The following RORA variants were observed in gnomAD, a reference collection of about 807,000 sequenced individuals.
RORA encodes the protein RAR related orphan receptor A.
RORA carries 7 observed loss-of-function variants against 69.5 expected under a neutral mutation model. That is an observed-to-expected ratio of 0.10 (90% CI 0.06 to 0.19). RORA has a LOEUF of 0.19. Among genes scored for constraint, RORA ranks in the 10% least tolerant of loss-of-function variants. RORA has a pLI of 1.00. For missense variants in RORA, 457 were observed against 663.0 expected (o/e 0.69, Z 3.41); for synonymous variants, 261 against 240.8 (o/e 1.08, Z -0.78).
intron 1 of RORA, among the ~76,000 whole-genome samples, chr15:61,088,155 A>G (rs952532643): frequency 6.6e-6 from 1 of 152,222 alleles, no homozygotes. Flanking sequence ...GTGACAGGTC[A>G]TCTATGAAAT....
chr15:60,579,609 C>T (rs2068132553), intron 2 of RORA, among the ~76,000 whole-genome samples: 2 of 152,132 alleles, frequency 1.3e-5, no homozygotes, highest in Non-Finnish European at 1.5e-5. Context: ...ATTGAACTAC[C>T]ATGAGTTATA....
At chr15:60,603,638 T>C (rs541386543) in intron 2 of RORA, among the ~76,000 whole-genome samples, 95 of 152,324 alleles carry the variant, frequency 6.2e-4, no homozygotes, top group Non-Finnish European at 1.2e-3. Context: ...TTTAAAGACA[T>C]CTTATTTAGT....
At chr15:60,748,324 A>AC (rs1446945879) in intron 1 of RORA, among the ~76,000 whole-genome samples, 23 of 85,786 alleles carry the variant, frequency 2.7e-4, no homozygotes, top group African/African-American at 5.6e-4. Flanking sequence ...AAAAAAAAAA[A>AC]ACACACACAC....
chr15:61,165,606 G>A (rs191306974), intron 1 of RORA, among the ~76,000 whole-genome samples: 49 of 152,266 alleles, frequency 3.2e-4, no homozygotes, highest in African/African-American at 1.1e-3. Context: ...GGAGAGCTGG[G>A]GTCCCACCAA....
chr15:60,542,192 A>T (rs1038527732), intron 2 of RORA, among the ~76,000 whole-genome samples: 2 of 152,180 alleles, frequency 1.3e-5, no homozygotes, highest in Non-Finnish European at 2.9e-5. Flanking sequence ...CACATTTCAC[A>T]TCGGATGGAA....
chr15:61,227,979 C>A (rs950378517), intron 1 of RORA, among the ~76,000 whole-genome samples: 1 of 152,172 alleles, frequency 6.6e-6, no homozygotes, highest in Non-Finnish European at 1.5e-5. Flanking sequence ...GAGCTTTCCT[C>A]AACAGCTCAC....
intron 1 of RORA, among the ~76,000 whole-genome samples, chr15:61,138,559 T>C (rs1427834287): frequency 6.6e-6 from 1 of 152,136 alleles, no homozygotes; most frequent in East Asian, 1.9e-4. Context: ...AGTCTTTATA[T>C]GGCAAGAAAT....
rs550878557 is a variant in RORA, at chr15:60,943,614, G to A, written c.167-264928C>T. ...ATCTTTAACCTCAGCCAGCTATTTC[G>A]CAAAAGTGAGTAATGGGTCGGCTGG... On this transcript the variant is annotated intron_variant, in intron 1 of 10. Coordinates refer to ENST00000335670, the MANE Select transcript of RORA (RefSeq NM_134261.3). 5.3e-5 allele frequency among the ~76,000 whole-genome samples: 8 copies of A among 151,990 alleles called. No individual in the cohort carries two copies. The South Asian group carries it at 1.0e-3, about 20-fold the overall frequency.
intron 2 of RORA, among the ~76,000 whole-genome samples, chr15:60,561,264 G>A (rs1270201097): frequency 6.6e-6 from 1 of 151,542 alleles, no homozygotes; most frequent in Non-Finnish European, 1.5e-5. Context: ...TGTATTTTTA[G>A]TAGAGACGGG....
intron 1 of RORA, among the ~76,000 whole-genome samples, chr15:60,796,824 A>G (rs2072504848): frequency 6.6e-6 from 1 of 152,040 alleles, no homozygotes; most frequent in East Asian, 1.9e-4. Context: ...AAAATGTGGT[A>G]CATTCATACA....
At chr15:60,701,355 A>G (rs1388552451) in intron 1 of RORA, among the ~76,000 whole-genome samples, 2 of 152,208 alleles carry the variant, frequency 1.3e-5, no homozygotes, top group Non-Finnish European at 2.9e-5. Context: ...AAAGCTTCAC[A>G]TGGGCAAGAA....
chr15:61,074,576 A>G (rs1188810316), intron 1 of RORA, among the ~76,000 whole-genome samples: 2 of 152,232 alleles, frequency 1.3e-5, no homozygotes, highest in Admixed American at 6.5e-5. Context: ...TGGTAAGGGA[A>G]TAAGTCATAT....
At chr15:60,646,815 G>C (rs757584337) in intron 2 of RORA, among the ~76,000 whole-genome samples, 1 of 152,200 alleles carries the variant, frequency 6.6e-6, no homozygotes, top group African/African-American at 2.4e-5. Context: ...TGTCTGGCTC[G>C]TATGCTTGGG....
At chr15:60,852,154 G>GAGCAT (rs1440173273) in intron 1 of RORA, among the ~76,000 whole-genome samples, 2 of 152,214 alleles carry the variant, frequency 1.3e-5, no homozygotes, top group Non-Finnish European at 1.5e-5. Context: ...TCAGCCAGAA[G>GAGCAT]AGCATCATGT....
intron 3 of RORA, among the ~76,000 whole-genome samples, chr15:60,517,485 TG>T (rs2066004394): frequency 6.6e-6 from 1 of 152,176 alleles, no homozygotes; most frequent in African/African-American, 2.4e-5. Context: ...TTTATTTTAT[TG>T]TTTGTGTGTG....
chr15:60,558,219 A>G lies in RORA; in HGVS notation c.197-26368T>C, dbSNP rs200565404. The G allele has an allele frequency of 2.5e-6, 4 of 1,602,856 alleles. No individual in the cohort carries two copies. The African/African-American group carries it at 5.4e-5, about 21-fold the overall frequency. On this transcript the variant is annotated intron_variant, in intron 2 of 10. Coordinates refer to ENST00000335670, the MANE Select transcript of RORA (RefSeq NM_134261.3). ...GACAGGTCAGGAGGCCTTTGGATTC[A>G]CTTACACAGACGCCAGTAAGAACAA...
At chr15:60,930,184 T>C (rs1057428221) in intron 1 of RORA, among the ~76,000 whole-genome samples, 2 of 152,146 alleles carry the variant, frequency 1.3e-5, no homozygotes, top group African/African-American at 4.8e-5. Context: ...AGCCCATCAT[T>C]CTGCATAGTA....
intron 1 of RORA, among the ~76,000 whole-genome samples, chr15:60,934,512 T>TG (rs1344711594): frequency 2.0e-5 from 3 of 152,038 alleles, no homozygotes; most frequent in African/African-American, 7.3e-5. Flanking sequence ...TTTGTTTGTT[T>TG]TTTTCTGATA....
At chr15:61,040,517 A>AT (rs200102555) in intron 1 of RORA, among the ~76,000 whole-genome samples, 12 of 149,470 alleles carry the variant, frequency 8.0e-5, no homozygotes, top group Admixed American at 4.7e-4. Flanking sequence ...TCCGGGCTTT[A>AT]TTTTTTTTTC....
Sources: allele counts gnomAD v4.1 joint callset (sites outside exome capture counted in the v4.1 genomes callset), GRCh38; gene constraint gnomAD v4.1.1; transcripts MANE v1.5; gene names NCBI Gene and HGNC (gene_info 2026-07-23, HGNC 2026-07-21).